The following LAMA2 variants were observed in gnomAD, a reference collection of about 807,000 sequenced individuals.
LAMA2 encodes the protein laminin subunit alpha-2.
In LAMA2, 269 loss-of-function variants were observed where a neutral mutation model predicts 364.8. The observed-to-expected ratio is 0.74, with a 90% CI of 0.67 to 0.82. The LOEUF is 0.82. Ranked by LOEUF, LAMA2 falls within the 40% of genes least tolerant of loss-of-function variation. The pLI, the probability that LAMA2 is intolerant of heterozygous loss-of-function variation, is 0.00. For missense variants in LAMA2, 3,807 were observed against 3,873.2 expected (o/e 0.98, Z 0.45); for synonymous variants, 1,379 against 1,370.6 (o/e 1.01, Z -0.14).
At position 128,918,435 on chromosome 6, in the gene LAMA2, G is replaced by A. The variant is rs185144050; in HGVS notation, c.112+35078G>A. Among the ~76,000 whole-genome samples, 266 of 152,230 alleles carry A rather than the reference G, an allele frequency of 1.7e-3. 6 individuals carry two copies. The highest frequency in any genetic ancestry group is 0.017 in the East Asian group (88 of 5,182). On this transcript the variant is annotated intron_variant, in intron 1 of 64. Coordinates refer to ENST00000421865, the MANE Select transcript of LAMA2 (RefSeq NM_000426.4). ...TCTACATAATTCTAAATCATCTCAA[G>A]TGAAATTAGAATTAATATAAAGAAA...
At chr6:129,174,341 T>G (rs948110263) in intron 9 of LAMA2, among the ~76,000 whole-genome samples, 26 of 152,132 alleles carry the variant, frequency 1.7e-4, no homozygotes, top group African/African-American at 6.3e-4. Context: ...CATTTAATAT[T>G]ACTTTCAGCT....
intron 4 of LAMA2, among the ~76,000 whole-genome samples, chr6:129,106,935 T>C (rs936227897): frequency 6.6e-6 from 1 of 150,946 alleles, no homozygotes; most frequent in Non-Finnish European, 1.5e-5. Context: ...ATTAATGCAG[T>C]ATTGTTGAAA....
chr6:129,064,478 A>G (rs1221474470), intron 3 of LAMA2, among the ~76,000 whole-genome samples: 4 of 152,102 alleles, frequency 2.6e-5, no homozygotes, highest in East Asian at 1.9e-4. Flanking sequence ...GAGACTAGGG[A>G]AACAATGGAA....
intron 35 of LAMA2, among the ~76,000 whole-genome samples, chr6:129,390,434 A>T (rs1235060403): frequency 2.0e-5 from 3 of 151,200 alleles, no homozygotes; most frequent in Admixed American, 2.0e-4. Context: ...CCAGTGCAAA[A>T]CTCTCTCCAA....
chr6:129,309,335 C>T (rs1432897427), intron 22 of LAMA2, among the ~76,000 whole-genome samples: 2 of 152,158 alleles, frequency 1.3e-5, no homozygotes, highest in Admixed American at 6.5e-5. Context: ...GCTATCTAAA[C>T]ACATGGTTAA....
chr6:128,911,876 C>T (rs943191352), intron 1 of LAMA2, among the ~76,000 whole-genome samples: 1 of 152,120 alleles, frequency 6.6e-6, no homozygotes, highest in African/African-American at 2.4e-5. Context: ...CTTAGAATTT[C>T]CTTTATATGA....
At chr6:129,362,167 G>A (rs1777502592) in intron 32 of LAMA2, among the ~76,000 whole-genome samples, 2 of 151,980 alleles carry the variant, frequency 1.3e-5, no homozygotes, top group Non-Finnish European at 2.9e-5. Flanking sequence ...CTAAAGTTTT[G>A]TGCTGATTTT....
chr6:129,146,347 ACATAGCT>A (rs1778429829), intron 5 of LAMA2, among the ~76,000 whole-genome samples: 1 of 152,044 alleles, frequency 6.6e-6, no homozygotes, highest in South Asian at 2.1e-4. Flanking sequence ...ATAATTAGTA[ACATAGCT>A]CTATGTTAAC....
At chr6:128,939,733 A>G (rs1351326792) in intron 1 of LAMA2, among the ~76,000 whole-genome samples, 1 of 152,162 alleles carries the variant, frequency 6.6e-6, no homozygotes, top group Non-Finnish European at 1.5e-5. Flanking sequence ...AGAGACGGGA[A>G]TAGGCATCTC....
At chr6:129,281,611 T>C (rs1788722274) in intron 18 of LAMA2, among the ~76,000 whole-genome samples, 1 of 152,172 alleles carries the variant, frequency 6.6e-6, no homozygotes, top group Admixed American at 6.6e-5. Context: ...CCTCAGCACC[T>C]CACATCTTTC....
At chr6:129,384,005 G>A (rs1332176739) in intron 35 of LAMA2, among the ~76,000 whole-genome samples, 2 of 152,126 alleles carry the variant, frequency 1.3e-5, no homozygotes, top group African/African-American at 4.8e-5. Context: ...GCTTCATAAT[G>A]TAGCCAAATA....
At chr6:129,490,404 TA>T (rs1784801573) in intron 56 of LAMA2, among the ~76,000 whole-genome samples, 1 of 152,026 alleles carries the variant, frequency 6.6e-6, no homozygotes, top group Admixed American at 6.6e-5. Flanking sequence ...TGAATTGGTT[TA>T]AAAAAAATAA....
rs762128207 is a variant in LAMA2 at position 129,442,194 on chromosome 6, T to C, written c.6269-869T>C. ...ATTCAAATGCTGTTTGAGTGGGGAA[T>C]GGAGCCTGATTTCAGCATCCTAGCC... On this transcript the variant is annotated intron_variant, in intron 43 of 64. Coordinates refer to ENST00000421865, the MANE Select transcript of LAMA2 (RefSeq NM_000426.4). 1.2e-5 allele frequency: 16 copies of C among 1,320,124 alleles called. 1 individual carries two copies. The South Asian group carries it at 1.7e-4, about 14-fold the overall frequency. 81.8% of individuals were successfully genotyped at this position (1,320,124 alleles called of 1,614,324 possible).
At chr6:129,470,518 A>G (rs892595812) in intron 51 of LAMA2, among the ~76,000 whole-genome samples, 1 of 151,948 alleles carries the variant, frequency 6.6e-6, no homozygotes, top group Non-Finnish European at 1.5e-5. Flanking sequence ...GAAGTGTTCA[A>G]AAATAGACCC....
intron 32 of LAMA2, among the ~76,000 whole-genome samples, chr6:129,361,141 G>A (rs1333275801): frequency 6.6e-6 from 1 of 152,164 alleles, no homozygotes; most frequent in Non-Finnish European, 1.5e-5. Flanking sequence ...TCTTGGAGGT[G>A]AAAAAAGAGC....
At chr6:129,097,955 A>G (rs1262793515) in intron 3 of LAMA2, among the ~76,000 whole-genome samples, 1 of 152,218 alleles carries the variant, frequency 6.6e-6, no homozygotes, top group African/African-American at 2.4e-5. Context: ...GTCTTAATCC[A>G]TTTCTTTTAA....
chr6:129,034,277 C>G (rs978043272), intron 1 of LAMA2, among the ~76,000 whole-genome samples: 2 of 151,940 alleles, frequency 1.3e-5, no homozygotes, highest in Non-Finnish European at 2.9e-5. Flanking sequence ...GTAGTCAACT[C>G]TAATTTATTA....
intron 29 of LAMA2, among the ~76,000 whole-genome samples, chr6:129,339,409 A>T (rs1776131723): frequency 6.6e-6 from 1 of 152,208 alleles, no homozygotes; most frequent in Admixed American, 6.5e-5. Context: ...TTGTCATTTC[A>T]AATTTAAGAC....
At chr6:129,049,893 A>G in intron 1 of LAMA2, 25 bp from the exon 2 acceptor site, 1 of 1,606,702 alleles carries the variant, frequency 6.2e-7, no homozygotes, top group East Asian at 2.2e-5. Flanking sequence ...TGGTCTACAC[A>G]CCTTCATTTG....
Sources: allele counts gnomAD v4.1 joint callset (sites outside exome capture counted in the v4.1 genomes callset), GRCh38; gene constraint gnomAD v4.1.1; transcripts MANE v1.5; gene names NCBI Gene and HGNC (gene_info 2026-07-23, HGNC 2026-07-21).